CDC42BPA: variants seen among roughly 807,000 people sequenced by gnomAD.
The protein encoded by CDC42BPA is serine/threonine-protein kinase MRCK alpha.
CDC42BPA carries 80 observed loss-of-function variants against 223.5 expected under a neutral mutation model. The observed-to-expected ratio is 0.36, with a 90% CI of 0.30 to 0.43. The LOEUF (loss-of-function observed/expected upper bound fraction) is 0.43. CDC42BPA is among the 20% of genes least tolerant of loss of function. The probability of loss-of-function intolerance (pLI) is 1.00; values close to 1 mark genes in which losing one functional copy is unlikely to be tolerated. For missense variants in CDC42BPA, 1,743 were observed against 2,099.9 expected (o/e 0.83, Z 3.32); for synonymous variants, 694 against 718.6 (o/e 0.97, Z 0.55).
At position 226,994,386 on chromosome 1, in the gene CDC42BPA, G is replaced by A. The variant is rs540511213; in HGVS notation, c.5147C>T (p.Pro1716Leu). The A allele has an allele frequency of 1.1e-4, 167 of 1,564,220 alleles. No homozygotes were observed. Among genetic ancestry groups the A allele is most frequent in the Non-Finnish European group, 1.3e-4 (148 of 1,153,406 alleles). ...RDFDGEDSDS[P>L]RHSTASNSSN... is the part of the protein sequence containing the mutation. The stretch of plus-strand genomic sequence containing the variant: ...ACTGTTGGAAGCTGTGGAATGCCTC[G>A]GAGAGTCAGAGTCCTGTAAGGCCCA... The change falls in exon 37 of 37, where the codon CCG (proline) becomes CTG (leucine). Residue 1716 changes from proline (P) to leucine (L), a missense_variant. By Grantham distance (98) the Pro-to-Leu change is moderately conservative (BLOSUM62 -3). This residue lies in a region of CDC42BPA where 200 missense variants were observed against 192.8 expected (regional missense o/e 1.04). Transcript: ENST00000366766. The surrounding 1 kb of genome is among the most constrained non-coding windows in gnomAD (Gnocchi z 4.0).
At chr1:227,299,716 T>G (rs1009515306) in intron 1 of CDC42BPA, among the ~76,000 whole-genome samples, 1 of 152,162 alleles carries the variant, frequency 6.6e-6, no homozygotes, top group African/African-American at 2.4e-5. Flanking sequence ...TTTTTAGGTA[T>G]GCAATCATGA....
chr1:227,186,658 C>A (rs1476291654), intron 5 of CDC42BPA, among the ~76,000 whole-genome samples: 1 of 152,200 alleles, frequency 6.6e-6, no homozygotes, highest in African/African-American at 2.4e-5. Flanking sequence ...CACACACACG[C>A]CCCTTGCCAC....
Position 227,199,553 on chromosome 1 carries a change from T to A in CDC42BPA, c.450+4A>T. On this transcript the variant is annotated splice_donor_region_variant and intron_variant, in intron 4 of 36. Transcript: ENST00000366766. Reference sequence around the variant, plus strand: ...GTATATAGAAATACAAAAATGATTCTTACTAAGTTATTGTCATCCTGGAAA... The same window carrying A: ...GTATATAGAAATACAAAAATGATTCATACTAAGTTATTGTCATCCTGGAAA... The A allele has an allele frequency of 6.7e-7, 1 of 1,491,812 alleles. No individual in the cohort carries two copies. The highest frequency in any genetic ancestry group is 9.3e-7 in the Non-Finnish European group (1 of 1,073,400). The allele number at this position is 1,491,812 out of a possible 1,614,324, so 92.4% of individuals were successfully genotyped here. A position where few individuals can be genotyped will look rare whatever the true frequency, so the allele number is the denominator to read the frequency against.
In CDC42BPA at chr1:227,221,602, C is replaced by CTT. The variant is rs71281006; in HGVS notation, c.271-8385_271-8384dup. ...ATTATTTCAACAGAAAAATAATAGG[C>CTT]TTTTTTTTTTTTTTACCACATTACT... is the stretch of plus-strand genomic sequence containing the variant. On this transcript the variant is annotated intron_variant, in intron 2 of 36. Coordinates refer to ENST00000366766, the MANE Select transcript of CDC42BPA (RefSeq NM_001394014.1). Among the ~76,000 whole-genome samples, 898 of 102,142 alleles carry CTT rather than the reference C, an allele frequency of 8.8e-3. 3 individuals carry two copies. The highest frequency in any genetic ancestry group is 0.024 in the African/African-American group (632 of 26,460). The allele number at this position is 102,142 out of a possible 152,430, so 67.0% of individuals were successfully genotyped here.
intron 2 of CDC42BPA, among the ~76,000 whole-genome samples, chr1:227,242,229 TA>T (rs1272572694): frequency 6.6e-6 from 1 of 152,108 alleles, no homozygotes; most frequent in Non-Finnish European, 1.5e-5. Flanking sequence ...CTATTAATGA[TA>T]AAAGCTATCT....
intron 5 of CDC42BPA, among the ~76,000 whole-genome samples, chr1:227,169,711 T>A (rs974852587): frequency 6.6e-6 from 1 of 152,192 alleles, no homozygotes; most frequent in African/African-American, 2.4e-5. Context: ...AAACATGAGA[T>A]GTCATTTCAT....
chr1:227,143,526 T>C (rs1286657831), intron 8 of CDC42BPA, among the ~76,000 whole-genome samples: 1 of 152,196 alleles, frequency 6.6e-6, no homozygotes, highest in African/African-American at 2.4e-5. Context: ...TTGGGCCCTC[T>C]GTATGTGATT....
chr1:227,287,873 A>G (rs928157436), intron 1 of CDC42BPA, among the ~76,000 whole-genome samples: 1 of 152,218 alleles, frequency 6.6e-6, no homozygotes. Context: ...TCAAAACTGT[A>G]GGGCAATGAG....
intron 23 of CDC42BPA, among the ~76,000 whole-genome samples, chr1:227,042,777 GTAAGAAAGGTATTAAAGTATGGAC>G (rs1275468628): frequency 6.6e-6 from 1 of 152,044 alleles, no homozygotes; most frequent in Non-Finnish European, 1.5e-5. Flanking sequence ...AAAAAATCTA[GTAAGAAAGGTATTAAAGTATGGAC>G]TAAAATTAGA....
rs1027299130 is a variant in CDC42BPA, at chr1:227,276,419, C to T, written c.179-22264G>A. 1.3e-4 allele frequency among the ~76,000 whole-genome samples: 20 copies of T among 151,298 alleles called. 1 individual carries two copies. Among genetic ancestry groups the T allele is most frequent in the African/African-American group, 4.4e-4 (18 of 41,220 alleles). On this transcript the variant is annotated intron_variant, in intron 1 of 36. Coordinates refer to ENST00000366766, the MANE Select transcript of CDC42BPA (RefSeq NM_001394014.1). ...CCGTCTGGGAAGTGAGGAGCGTCTC[C>T]GCCTGGCAGCTGCCCCGTCCGGGAG...
At chr1:227,279,010 T>TC (rs1184217831) in intron 1 of CDC42BPA, among the ~76,000 whole-genome samples, 1 of 147,646 alleles carries the variant, frequency 6.8e-6, no homozygotes, top group Non-Finnish European at 1.5e-5. Context: ...GTCCTAGCCT[T>TC]TTTTTTTTTT....
chr1:227,199,709 CA>C, intron 3 of CDC42BPA, 57 bp from the exon 4 acceptor site: 1 of 814,524 alleles, frequency 1.2e-6, no homozygotes. Flanking sequence ...AGGAAATATA[CA>C]AAGAATTACT....
At chr1:227,055,477 A>G (rs1674354998) in intron 21 of CDC42BPA, among the ~76,000 whole-genome samples, 1 of 152,164 alleles carries the variant, frequency 6.6e-6, no homozygotes, top group African/African-American at 2.4e-5. Flanking sequence ...ACATGCTGGC[A>G]TTTAAAGACA....
At chr1:227,039,959 T>A (rs1207444089) in intron 24 of CDC42BPA, among the ~76,000 whole-genome samples, 172 bp downstream of exon 24, 1 of 152,122 alleles carries the variant, frequency 6.6e-6, no homozygotes, top group Non-Finnish European at 1.5e-5. Flanking sequence ...CCCTGAAAAA[T>A]ATGTCTAGTT....
In CDC42BPA at chr1:227,074,023, A is replaced by T; in HGVS notation, c.2587-11T>A. On this transcript the variant is annotated splice_polypyrimidine_tract_variant and intron_variant, in intron 18 of 36. Coordinates refer to ENST00000366766, the MANE Select transcript of CDC42BPA (RefSeq NM_001394014.1). ...TTTCCAGGGCATATCCTATGAAATA[A>T]TGACTGTGTTTTTAGTTCCATCCTA... 2 of 1,607,208 alleles carry T rather than the reference A, an allele frequency of 1.2e-6. No individual in the cohort carries two copies. Among genetic ancestry groups the T allele is most frequent in the Non-Finnish European group, 1.7e-6 (2 of 1,178,248 alleles).
rs542134265 is a variant in CDC42BPA at position 227,005,880 on chromosome 1, C to T, written c.4858-769G>A. On this transcript the variant is annotated intron_variant, in intron 34 of 36. Transcript: ENST00000366766. ...CACAGAATGTTTTGCAAATCACACA[C>T]GCCTAAAGGATAGCCACATAGGTGG... 5.9e-5 allele frequency among the ~76,000 whole-genome samples: 9 copies of T among 152,334 alleles called. No individual in the cohort carries two copies. The South Asian group carries it at 6.2e-4, about 11-fold the overall frequency.
At chr1:227,283,809 G>C (rs1005961957) in intron 1 of CDC42BPA, among the ~76,000 whole-genome samples, 1 of 152,154 alleles carries the variant, frequency 6.6e-6, no homozygotes. Flanking sequence ...GGTGGCTCAC[G>C]CCTGTAATCT....
intron 11 of CDC42BPA, among the ~76,000 whole-genome samples, chr1:227,125,002 G>A (rs925431104): frequency 6.6e-6 from 1 of 152,012 alleles, no homozygotes; most frequent in East Asian, 1.9e-4. Flanking sequence ...ACATAACGGT[G>A]AGTTTTCTGG....
intron 5 of CDC42BPA, among the ~76,000 whole-genome samples, chr1:227,167,246 C>T (rs1336681846): frequency 1.3e-5 from 2 of 152,182 alleles, no homozygotes; most frequent in Non-Finnish European, 2.9e-5. Context: ...CTCGTCCTTA[C>T]ATTACCACTG....
Sources: allele counts gnomAD v4.1 joint callset (sites outside exome capture counted in the v4.1 genomes callset), GRCh38; gene constraint gnomAD v4.1.1; regional missense constraint gnomAD v4.1.1; non-coding constraint Gnocchi (gnomAD v3.1); transcripts MANE v1.5; gene names NCBI Gene and HGNC (gene_info 2026-07-23, HGNC 2026-07-21).